PDK3: variants seen among roughly 807,000 people sequenced by gnomAD.
PDK3 encodes pyruvate dehydrogenase kinase, isozyme 3.
A neutral mutation model predicts 32.0 loss-of-function variants in PDK3; 12 were observed. The observed-to-expected ratio is 0.37, with a 90% CI of 0.24 to 0.61. PDK3 has a LOEUF of 0.61. Among genes scored for constraint, PDK3 ranks in the 20% least tolerant of loss-of-function variants. PDK3 has a pLI of 0.65. For synonymous variants in PDK3, 122 were observed against 116.3 expected, an observed-to-expected ratio of 1.05 and a Z score of -0.31; for missense variants, 188 against 316.9, an observed-to-expected ratio of 0.59 and a Z score of 3.09.
At chrX:24,491,605 T>C (rs1921563251) in intron 1 of PDK3, among the ~76,000 whole-genome samples, 1 of 110,817 alleles carries the variant, frequency 9.0e-6, no homozygotes, top group Non-Finnish European at 1.9e-5. Flanking sequence ...GCAGGATTTT[T>C]GCTGAGACTG....
At chrX:24,495,485 T>G (rs781280330) in intron 2 of PDK3, among the ~76,000 whole-genome samples, 6 of 112,572 alleles carry the variant, frequency 5.3e-5, no homozygotes, top group Non-Finnish European at 9.4e-5. Flanking sequence ...CATGCCCCTT[T>G]TCTCAGATTT....
downstream of PDK3, among the ~76,000 whole-genome samples, chrX:24,538,500 C>T (rs948655923): frequency 1.2e-4 from 13 of 112,154 alleles, no homozygotes; most frequent in East Asian, 2.8e-4. Context: ...TAATTCTGGC[C>T]GGGCACAGTA....
chrX:24,491,862 G>A (rs1314252356), intron 1 of PDK3, among the ~76,000 whole-genome samples: 1 of 110,988 alleles, frequency 9.0e-6, no homozygotes, highest in Non-Finnish European at 1.9e-5. Flanking sequence ...CTTGAGCCCA[G>A]GAGGTTGAGG....
At chrX:24,482,506 A>T (rs1921287815) in intron 1 of PDK3, among the ~76,000 whole-genome samples, 1 of 111,680 alleles carries the variant, frequency 9.0e-6, no homozygotes. Flanking sequence ...GAGCTTTTAA[A>T]CCTACGCTCT....
chrX:24,510,899 G>A (rs1922101535), intron 5 of PDK3, among the ~76,000 whole-genome samples: 2 of 112,361 alleles, frequency 1.8e-5, no homozygotes, highest in Non-Finnish European at 3.8e-5. Context: ...GTAGACCAAA[G>A]CAGATGTCTC....
At chrX:24,495,002 G>A (rs1444677747) in intron 2 of PDK3, 119 bp downstream of exon 2, 3 of 563,681 alleles carry the variant, frequency 5.3e-6, no homozygotes, top group African/African-American at 4.8e-5. Flanking sequence ...AGTCATTTGG[G>A]ATAGCTGGGT....
rs370735842 is a variant in PDK3, at chrX:24,487,935, C to T, written c.107-6807C>T. Among the ~76,000 whole-genome samples, 62 of 90,657 alleles carry T rather than the reference C, an allele frequency of 6.8e-4. 1 individual carries two copies. The highest frequency in any genetic ancestry group is 2.6e-3 in the African/African-American group (60 of 23,287). The allele number at this position is 90,657 out of a possible 115,157, so 78.7% of individuals were successfully genotyped here. A position where few individuals can be genotyped will look rare whatever the true frequency, so the allele number is the denominator to read the frequency against. ...CTATCAATCACTTGAACCTAGGAGGCGGAGGTGGCAGTGAGCCAAGATTGT... is the reference window on the plus strand; with the variant it reads ...CTATCAATCACTTGAACCTAGGAGGTGGAGGTGGCAGTGAGCCAAGATTGT... On this transcript the variant is annotated intron_variant, in intron 1 of 10. Coordinates refer to ENST00000379162, the MANE Select transcript of PDK3 (RefSeq NM_005391.5).
chrX:24,532,202 G>C (rs1922666961), intron 10 of PDK3, among the ~76,000 whole-genome samples: 2 of 110,639 alleles, frequency 1.8e-5, no homozygotes, highest in African/African-American at 6.6e-5. Flanking sequence ...GGAGGCAGAG[G>C]TTGCAGTGAG....
At chrX:24,472,050 A>G (rs192848184) in intron 1 of PDK3, among the ~76,000 whole-genome samples, 1 of 112,256 alleles carries the variant, frequency 8.9e-6, no homozygotes, top group African/African-American at 3.2e-5. Context: ...TAGATCTGTC[A>G]TCTGTAATGA....
At chrX:24,481,035 C>A (rs1043001943) in intron 1 of PDK3, among the ~76,000 whole-genome samples, 1 of 94,587 alleles carries the variant, frequency 1.1e-5, no homozygotes, top group African/African-American at 4.2e-5. Flanking sequence ...AATGTGCATA[C>A]TCTTTTTCTT....
intron 4 of PDK3, among the ~76,000 whole-genome samples, chrX:24,504,298 G>A (rs1189094821): frequency 8.9e-6 from 1 of 112,165 alleles, no homozygotes; most frequent in African/African-American, 3.2e-5. Flanking sequence ...AAATGGAAAT[G>A]TATGACAATT....
At chrX:24,471,763 C>G (rs1241855574) in intron 1 of PDK3, among the ~76,000 whole-genome samples, 1 of 112,294 alleles carries the variant, frequency 8.9e-6, no homozygotes, top group Non-Finnish European at 1.9e-5. Flanking sequence ...TATTAACTCA[C>G]ATCCTCATTG....
At chrX:24,525,603 T>C (rs1922502602) in intron 6 of PDK3, among the ~76,000 whole-genome samples, 1 of 111,902 alleles carries the variant, frequency 8.9e-6, no homozygotes, top group Admixed American at 9.5e-5. Flanking sequence ...ACCTGGGTTT[T>C]GGTGTTTCTC....
intron 5 of PDK3, among the ~76,000 whole-genome samples, chrX:24,513,171 A>G (rs1922167760): frequency 9.1e-6 from 1 of 110,312 alleles, no homozygotes; most frequent in Non-Finnish European, 1.9e-5. Context: ...TGGAGATTGG[A>G]TATTCTGCTC....
chrX:24,502,070 T>C (rs1318283731), intron 3 of PDK3, among the ~76,000 whole-genome samples: 3 of 111,542 alleles, frequency 2.7e-5, no homozygotes, highest in African/African-American at 9.8e-5. Context: ...TTAATGTGTG[T>C]CCCTATAGGA....
At chrX:24,496,944 G>A (rs1639199907) in intron 2 of PDK3, among the ~76,000 whole-genome samples, 1 of 106,919 alleles carries the variant, frequency 9.4e-6, no homozygotes, top group African/African-American at 3.4e-5. Flanking sequence ...ACCATGCCCT[G>A]CTAATTTTTG....
chrX:24,523,701 G>T (rs149139807), intron 6 of PDK3, among the ~76,000 whole-genome samples: 265 of 111,999 alleles, frequency 2.4e-3, no homozygotes, highest in African/African-American at 8.1e-3. Context: ...TTTCATGTGA[G>T]TGTTGTTACC....
At chrX:24,508,851 T>C (rs1922050076) in intron 5 of PDK3, among the ~76,000 whole-genome samples, 1 of 111,465 alleles carries the variant, frequency 9.0e-6, no homozygotes, top group Non-Finnish European at 1.9e-5. Context: ...TAGCTGGGAT[T>C]ACAGGCACCC....
chrX:24,496,726 T>C (rs1178859364), intron 2 of PDK3, among the ~76,000 whole-genome samples: 1 of 103,097 alleles, frequency 9.7e-6, no homozygotes, highest in African/African-American at 3.5e-5. Context: ...TCACAGTGTG[T>C]CCTCCTTGCT....
Sources: allele counts gnomAD v4.1 joint callset (sites outside exome capture counted in the v4.1 genomes callset), GRCh38; gene constraint gnomAD v4.1.1; transcripts MANE v1.5; gene names NCBI Gene and HGNC (gene_info 2026-07-23, HGNC 2026-07-21).